ZNF316: variants seen among roughly 807,000 people sequenced by gnomAD.
ZNF316 encodes zinc finger protein 316.
ZNF316 carries 23 observed loss-of-function variants against 75.6 expected under a neutral mutation model. That is an observed-to-expected ratio of 0.30 (90% confidence interval 0.22 to 0.43). ZNF316 has a LOEUF of 0.43. Among genes scored for constraint, ZNF316 ranks in the 20% least tolerant of loss-of-function variants. The pLI is 1.00. For synonymous variants in ZNF316, 827 were observed against 666.2 expected (o/e 1.24, Z -3.72); for missense variants, 1,266 against 1,409.4 (o/e 0.90, Z 1.63).
chr7:6,649,996 C>T (rs1048641485), intron 8 of ZNF316, among the ~76,000 whole-genome samples: 3 of 152,232 alleles, frequency 2.0e-5, no homozygotes, highest in Non-Finnish European at 4.4e-5. Context: ...GAGTCCAGTT[C>T]TTTGAGGCTT....
rs1173258598 is a variant in ZNF316 at position 6,643,877 on chromosome 7, G to A, written c.521G>A (p.Arg174Lys). 5.7e-6 allele frequency: 7 copies of A among 1,237,740 alleles called. No homozygotes were observed. Among genetic ancestry groups the A allele is most frequent in the African/African-American group, 3.1e-5 (2 of 64,512 alleles). 76.7% of individuals were successfully genotyped at this position (1,237,740 alleles called of 1,614,324 possible). The change falls in exon 7 of 9, where the codon AGG (arginine) becomes AAG (lysine). Residue 174 changes from arginine to lysine, a missense_variant. This residue lies in a region of ZNF316 where 961 missense variants were observed against 990.9 expected (regional missense o/e 0.97). Coordinates refer to ENST00000382252, the MANE Select transcript of ZNF316 (RefSeq NM_001278559.2). ...TACTTCTCCCTGGAGGAGTGGGAAA[G>A]GCTGGAAGCAGACCAGCGGGGCCTC... ...AVYFSLEEWERLEADQRGLYQ... is the reference protein window; with the variant it reads ...AVYFSLEEWEKLEADQRGLYQ...
rs1779328185 is a variant in ZNF316, at chr7:6,642,496, A to G, written c.87A>G (p.Glu29=). ...GGTCAGAGTGCGACCCTGACCAGGA[A>G]GAAGAGGAGGAGGAGGAGGAAAAGG... The part of the protein sequence containing the change: ...EDGSECDPDQ[E]EEEEEEEKGE... The change falls in exon 5 of 9, where the codon GAA becomes GAG. Residue 29 remains glutamate (E), a synonymous_variant. Transcript: ENST00000382252. This position sits in a 1 kb window ranked among gnomAD's most constrained non-coding sequence, Gnocchi z 8.1. The G allele has an allele frequency of 2.4e-6, 3 of 1,233,758 alleles. No individual in the cohort carries two copies. Among genetic ancestry groups the G allele is most frequent in the African/African-American group, 1.6e-5 (1 of 64,440 alleles). 76.4% of individuals were successfully genotyped at this position (1,233,758 alleles called of 1,614,324 possible).
Position 6,654,439 on chromosome 7 carries a change from C to T in ZNF316, c.2843C>T (p.Ser948Leu), listed in dbSNP as rs1026590442. 22 of 1,204,852 alleles carry T rather than the reference C, an allele frequency of 1.8e-5. No individual in the cohort carries two copies. Among genetic ancestry groups the T allele is most frequent in the Non-Finnish European group, 2.2e-5 (21 of 970,944 alleles). 74.6% of individuals were successfully genotyped at this position (1,204,852 alleles called of 1,614,324 possible). A position where few individuals can be genotyped will look rare whatever the true frequency, so the allele number is the denominator to read the frequency against. The change falls in exon 9 of 9, where the codon TCG becomes TTG. Residue 948 changes from serine to leucine, a missense_variant. Physicochemically the swap from Ser to Leu is moderately radical, Grantham distance 145. This residue lies in a region of ZNF316 where 111 missense variants were observed against 99.2 expected (regional missense o/e 1.12). Transcript: ENST00000382252. ...RGATAAPGSG[S>L]APAPAPKPEA... is the part of the protein sequence containing the mutation. ...GCCACCGCAGCGCCGGGCTCGGGTT[C>T]GGCCCCAGCCCCCGCGCCCAAGCCC...
In ZNF316 at chr7:6,652,638, G is replaced by A. The variant is rs1562583633; in HGVS notation, c.1042G>A (p.Asp348Asn). ...PPAGRPETTCDVCGKVFPHRS... is the reference protein window; with the variant it reads ...PPAGRPETTCNVCGKVFPHRS... ...GGCCGGGAGGCCGGAGACCACGTGC[G>A]ACGTGTGCGGCAAGGTCTTCCCGCA... Residue 348 changes from aspartate (D) to asparagine (N), a missense_variant, in exon 9 of 9, where the codon GAC (aspartate) becomes AAC (asparagine). Coordinates refer to ENST00000382252, the MANE Select transcript of ZNF316 (RefSeq NM_001278559.2). 8.1e-7 allele frequency: 1 copy of A among 1,230,760 alleles called. No individual in the cohort carries two copies. Among genetic ancestry groups the A allele is most frequent in the Non-Finnish European group, 1.0e-6 (1 of 987,180 alleles). The allele number at this position is 1,230,760 out of a possible 1,614,324, so 76.2% of individuals were successfully genotyped here. A position where few individuals can be genotyped will look rare whatever the true frequency, so the allele number is the denominator to read the frequency against.
chr7:6,648,222 G>A (rs1004788452), intron 8 of ZNF316, among the ~76,000 whole-genome samples: 1 of 152,130 alleles, frequency 6.6e-6, no homozygotes, highest in Admixed American at 6.5e-5. Flanking sequence ...GTGGGCTGGA[G>A]GGTGCCCCGC....
At position 6,637,710 on chromosome 7, in the gene ZNF316, G is replaced by A. The variant is rs1207008919; in HGVS notation, c.-430-136G>A. The A allele has an allele frequency of 6.6e-6, 1 of 151,698 alleles. No homozygotes were observed. Among genetic ancestry groups the A allele is most frequent in the African/African-American group, 2.4e-5 (1 of 41,386 alleles). 9.4% of individuals were successfully genotyped at this position (151,698 alleles called of 1,614,324 possible). A position where few individuals can be genotyped will look rare whatever the true frequency, so the allele number is the denominator to read the frequency against. ...ACCCCCGGGGCCGGTCCGGGCAGGA[G>A]GCGGAGGGGGCAGGCCCGGGAGGCC... On this transcript the variant is annotated intron_variant, in intron 1 of 8. Transcript: ENST00000382252. The surrounding 1 kb of genome is among the most constrained non-coding windows in gnomAD (Gnocchi z 6.2).
At position 6,642,004 on chromosome 7, in the gene ZNF316, T is replaced by TCTGG. The variant is rs1779319064; in HGVS notation, c.-29+45_-29+48dup. ...CCTGTGTATCAGGTGGGCTTTTCCTTCTGGCTAAACATGGGCCACCCTCGG... is the reference window on the plus strand; with the variant it reads ...CCTGTGTATCAGGTGGGCTTTTCCTTCTGGCTGGCTAAACATGGGCCACCCTCGG... On this transcript the variant is annotated intron_variant, in intron 4 of 8. Transcript: ENST00000382252. The surrounding 1 kb of genome is among the most constrained non-coding windows in gnomAD (Gnocchi z 8.1). The TCTGG allele has an allele frequency of 6.1e-6, 1 of 163,950 alleles. No homozygotes were observed. The highest frequency in any genetic ancestry group is 1.3e-5 in the Non-Finnish European group (1 of 76,384). 10.2% of individuals were successfully genotyped at this position (163,950 alleles called of 1,614,324 possible).
At position 6,654,098 on chromosome 7, in the gene ZNF316, C is replaced by A. The variant is rs1261480105; in HGVS notation, c.2502C>A (p.Pro834=). ...AHAEEKPHRC[P]DCGKGFGHSS... ...CCGAGGAGAAGCCGCACCGCTGCCC[C>A]GACTGCGGCAAGGGCTTCGGCCACA... is the stretch of plus-strand genomic sequence containing the variant. Residue 834 remains proline (P), a synonymous_variant, in exon 9 of 9, where the codon CCC becomes CCA. Coordinates refer to ENST00000382252, the MANE Select transcript of ZNF316 (RefSeq NM_001278559.2). 2.1e-5 allele frequency: 25 copies of A among 1,217,954 alleles called. No individual in the cohort carries two copies. The highest frequency in any genetic ancestry group is 2.5e-5 in the Non-Finnish European group (24 of 978,474). The allele number at this position is 1,217,954 out of a possible 1,614,324, so 75.4% of individuals were successfully genotyped here.
Position 6,642,592 on chromosome 7 carries a change from A to C in ZNF316, c.183A>C (p.Ala61=). The change falls in exon 5 of 9, where the codon GCA becomes GCC. Residue 61 remains alanine, a synonymous_variant. Coordinates refer to ENST00000382252, the MANE Select transcript of ZNF316 (RefSeq NM_001278559.2). The surrounding 1 kb of genome is among the most constrained non-coding windows in gnomAD (Gnocchi z 8.1). The part of the protein sequence containing the change: ...IVVEEEEEGV[A]EVVQDAQVEA... ...TGGAGGAGGAGGAGGAGGGTGTGGC[A>C]GAGGTAGTGCAGGATGCGCAGGTGG... 8.2e-7 allele frequency: 1 copy of C among 1,214,844 alleles called. No homozygotes were observed. Among genetic ancestry groups the C allele is most frequent in the Non-Finnish European group, 1.0e-6 (1 of 971,686 alleles). 75.3% of individuals were successfully genotyped at this position (1,214,844 alleles called of 1,614,324 possible). A position where few individuals can be genotyped will look rare whatever the true frequency, so the allele number is the denominator to read the frequency against.
In ZNF316 at chr7:6,652,440, A is replaced by G. The variant is rs1213321657; in HGVS notation, c.844A>G (p.Thr282Ala). Residue 282 changes from threonine (T) to alanine (A), a missense_variant, in exon 9 of 9, where the codon ACG becomes GCG. Thr to Ala is a moderately conservative substitution (Grantham distance 58). Coordinates refer to ENST00000382252, the MANE Select transcript of ZNF316 (RefSeq NM_001278559.2). ...AAYGVGDVPG[T>A]WGPDDSDSAQ... ...CTACGGCGTGGGGGACGTGCCTGGG[A>G]CGTGGGGGCCCGACGACTCGGATTC... The G allele has an allele frequency of 1.6e-6, 2 of 1,231,776 alleles. No individual in the cohort carries two copies. Among genetic ancestry groups the G allele is most frequent in the Non-Finnish European group, 2.0e-6 (2 of 987,892 alleles). The allele number at this position is 1,231,776 out of a possible 1,614,324, so 76.3% of individuals were successfully genotyped here.
intron 8 of ZNF316, among the ~76,000 whole-genome samples, chr7:6,650,986 A>G (rs1166839004): frequency 6.6e-6 from 1 of 152,048 alleles, no homozygotes; most frequent in Non-Finnish European, 1.5e-5. Context: ...GGTGCCTCGC[A>G]AGGCTGAAGG....
intron 6 of ZNF316, among the ~76,000 whole-genome samples, chr7:6,643,597 GCC>G (rs1779349204): frequency 6.6e-6 from 1 of 152,186 alleles, no homozygotes; most frequent in Non-Finnish European, 1.5e-5. Flanking sequence ...CCACAGCTCT[GCC>G]CTACGAGCTG....
At chr7:6,648,826 G>A (rs1407160068) in intron 8 of ZNF316, among the ~76,000 whole-genome samples, 2 of 141,618 alleles carry the variant, frequency 1.4e-5, no homozygotes, top group Non-Finnish European at 3.1e-5. Context: ...GCGGGCACAG[G>A]GGAGTAGTGA....
chr7:6,649,467 G>A (rs1362350501), intron 8 of ZNF316, among the ~76,000 whole-genome samples: 1 of 152,210 alleles, frequency 6.6e-6, no homozygotes, highest in Non-Finnish European at 1.5e-5. Context: ...GAGCTGTGAT[G>A]AGGCCTGACT....
At position 6,657,714 on chromosome 7, in the gene ZNF316, G is replaced by A. The variant is rs893313089; in HGVS notation, c.*3103G>A. Among the ~76,000 whole-genome samples the A allele has an allele frequency of 6.6e-6, 1 of 151,556 alleles. No individual in the cohort carries two copies. The highest frequency in any genetic ancestry group is 1.5e-5 in the Non-Finnish European group (1 of 67,952). On this transcript the variant is annotated 3_prime_UTR_variant, in exon 9 of 9. Coordinates refer to ENST00000382252, the MANE Select transcript of ZNF316 (RefSeq NM_001278559.2). ...ATACAAAAATTAGCTGGGTGTGGTGGCGCACGTCTATAGTCCCAGCTACTC... is the reference window on the plus strand; with the variant it reads ...ATACAAAAATTAGCTGGGTGTGGTGACGCACGTCTATAGTCCCAGCTACTC...
In ZNF316 at chr7:6,639,476, C is replaced by G. The variant is rs1779276428; in HGVS notation, c.-167+335C>G. Among the ~76,000 whole-genome samples, 1 of 152,124 alleles carries G rather than the reference C, an allele frequency of 6.6e-6. No homozygotes were observed. The highest frequency in any genetic ancestry group is 6.5e-5 in the Admixed American group (1 of 15,280). ...GGGAACTGTGTCACCCACTGGGGCC[C>G]AGGGGGCTGCCTCAGAAGACCACCC... On this transcript the variant is annotated intron_variant, in intron 3 of 8. Coordinates refer to ENST00000382252, the MANE Select transcript of ZNF316 (RefSeq NM_001278559.2). This position sits in a 1 kb window ranked among gnomAD's most constrained non-coding sequence, Gnocchi z 4.2.
chr7:6,648,628 T>A (rs939683409), intron 8 of ZNF316, among the ~76,000 whole-genome samples: 2 of 152,310 alleles, frequency 1.3e-5, no homozygotes, highest in Non-Finnish European at 2.9e-5. Flanking sequence ...AACTCAGATT[T>A]AAGGCCTTGC....
At chr7:6,643,537 G>A (rs1330813193) in intron 6 of ZNF316, among the ~76,000 whole-genome samples, 1 of 152,244 alleles carries the variant, frequency 6.6e-6, no homozygotes, top group East Asian at 1.9e-4. Context: ...CAGACTGCAT[G>A]AAGAGGGGGA....
rs1054571789 is a variant in ZNF316, at chr7:6,654,938, A to G, written c.*327A>G. The G allele has an allele frequency of 5.7e-6, 1 of 176,734 alleles. No individual in the cohort carries two copies. The highest frequency in any genetic ancestry group is 2.4e-5 in the African/African-American group (1 of 41,964). The allele number at this position is 176,734 out of a possible 1,614,324, so 10.9% of individuals were successfully genotyped here. On this transcript the variant is annotated 3_prime_UTR_variant, in exon 9 of 9. Transcript: ENST00000382252. ...GGGCGATGCTATTTATTTCACTCGG[A>G]TTCCGACTTGGGTGGTCTGGGGAGC...
Sources: gnomAD v4.1 joint callset for allele counts (sites outside exome capture counted in the v4.1 genomes callset) on GRCh38, gnomAD v4.1.1 for gene constraint, gnomAD v4.1.1 regional missense constraint, Gnocchi (gnomAD v3.1) non-coding constraint, MANE v1.5 for transcripts, NCBI Gene and HGNC (gene_info 2026-07-23, HGNC 2026-07-21) for gene names.